Variants in WDR81 observed in about 807,000 individuals in gnomAD.
The protein encoded by WDR81 is WD repeat-containing protein 81.
Under a neutral mutation model 140.8 loss-of-function variants are expected in WDR81, and 92 were observed. The observed-to-expected ratio is 0.65, with a 90% confidence interval of 0.55 to 0.78. The LOEUF (loss-of-function observed/expected upper bound fraction) is 0.78, where lower values mean the gene tolerates loss of function less well. WDR81 is among the 30% of genes least tolerant of loss of function. The pLI is 0.00. For synonymous variants in WDR81, 1,183 were observed against 1,156.4 expected (o/e 1.02, Z -0.47); for missense variants, 2,502 against 2,636.4 (o/e 0.95, Z 1.12).
chr17:1,725,829 A>G lies in WDR81; in HGVS notation c.870A>G (p.Ala290=), dbSNP rs1405760988. Residue 290 remains alanine (A), a synonymous_variant, in exon 1 of 10, where the codon GCA becomes GCG. Transcript: ENST00000409644. The stretch of plus-strand genomic sequence containing the variant: ...GGGCCCTGTCTTTGTATCACATCGC[A>G]GTGGATGAGAAGCTTTGCAGCGAGC... ...ACGALSLYHI[A]VDEKLCSELR... is the part of the protein sequence containing the mutation. The G allele has an allele frequency of 1.3e-6, 2 of 1,550,588 alleles. No individual in the cohort carries two copies. The highest frequency in any genetic ancestry group is 1.7e-6 in the Non-Finnish European group (2 of 1,146,946).
At chr17:1,729,127 C>T (rs368368384) in intron 1 of WDR81, among the ~76,000 whole-genome samples, 1 of 152,144 alleles carries the variant, frequency 6.6e-6, no homozygotes, top group South Asian at 2.1e-4. Context: ...CAGTCTTAAG[C>T]AAGTGTATTA....
upstream of WDR81, among the ~76,000 whole-genome samples, chr17:1,723,500 C>A (rs866873639): frequency 3.4e-4 from 25 of 73,216 alleles, no homozygotes; most frequent in Non-Finnish European, 6.1e-4. Context: ...TTTATTTATT[C>A]TTTTTGACGG....
rs71375531 is a variant in WDR81 at position 1,731,926 on chromosome 17, C to CAAA, written c.4158-387_4158-385dup. Among the ~76,000 whole-genome samples, 181 of 129,764 alleles carry CAAA rather than the reference C, an allele frequency of 1.4e-3. 2 individuals are homozygous for CAAA. Among genetic ancestry groups the CAAA allele is most frequent in the African/African-American group, 4.4e-3 (153 of 34,972 alleles). The allele number at this position is 129,764 out of a possible 152,430, so 85.1% of individuals were successfully genotyped here. A position where few individuals can be genotyped will look rare whatever the true frequency, so the allele number is the denominator to read the frequency against. On this transcript the variant is annotated intron_variant, in intron 4 of 9. Coordinates refer to ENST00000409644, the MANE Select transcript of WDR81 (RefSeq NM_001163809.2). ...TAGGCGACAGAGCAAGACTCTGTCT[C>CAAA]AAAAAAAAAAAAAAGTATATATATA...
At chr17:1,724,390 T>G, upstream of WDR81, 1 of 800,442 alleles carries the variant, frequency 1.2e-6, no homozygotes, top group Non-Finnish European at 1.5e-6. Flanking sequence ...GAAGTCCCAG[T>G]TCTGCCCCTG....
chr17:1,732,295 C>A (rs370237696), intron 4 of WDR81, 30 bp from the exon 5 acceptor site: 2 of 1,602,958 alleles, frequency 1.2e-6, no homozygotes, highest in African/African-American at 2.7e-5. Flanking sequence ...TGCAGAACGG[C>A]GGGCTGGAGC....
chr17:1,716,939 G>A, intron 1 of WDR81: 1 of 501,380 alleles, frequency 2.0e-6, no homozygotes. Flanking sequence ...AACCACAGGA[G>A]GCTTTTTTTC....
At chr17:1,736,247 T>C (rs1904859737) in intron 9 of WDR81, 29 bp downstream of exon 9, 11 of 1,584,444 alleles carry the variant, frequency 6.9e-6, no homozygotes, top group Non-Finnish European at 9.4e-6. Flanking sequence ...CTCCCCTTGC[T>C]GCCCAACCCC....
At chr17:1,718,337 C>G (rs1018079592) in intron 1 of WDR81, among the ~76,000 whole-genome samples, 5 of 152,154 alleles carry the variant, frequency 3.3e-5, no homozygotes, top group Admixed American at 1.3e-4. Context: ...AGGCTGGTCT[C>G]GAACTCCTCA....
chr17:1,731,610 A>AAT (rs1904355351), intron 4 of WDR81, among the ~76,000 whole-genome samples: 1 of 151,856 alleles, frequency 6.6e-6, no homozygotes, highest in South Asian at 2.1e-4. Flanking sequence ...CCTCTCTAAA[A>AAT]ATATATATAA....
At chr17:1,716,686 A>G in intron 1 of WDR81, 1 of 1,539,346 alleles carries the variant, frequency 6.5e-7, no homozygotes, top group South Asian at 1.2e-5. Context: ...GAAGTCCTTA[A>G]AGGGCGACAG....
At chr17:1,728,915 T>C (rs1292964541) in intron 1 of WDR81, among the ~76,000 whole-genome samples, 1 of 151,848 alleles carries the variant, frequency 6.6e-6, no homozygotes, top group Non-Finnish European at 1.5e-5. Context: ...ATCGCACCAC[T>C]GCACTCCAGC....
At chr17:1,722,529 A>G (rs890741638), upstream of WDR81, among the ~76,000 whole-genome samples, 1 of 151,518 alleles carries the variant, frequency 6.6e-6, no homozygotes, top group Non-Finnish European at 1.5e-5. Context: ...GTATTTTAGT[A>G]GAGATGGGGT....
intron 1 of WDR81, 98 bp from the exon 2 acceptor site, chr17:1,730,282 G>A: frequency 2.0e-6 from 2 of 986,644 alleles, no homozygotes; most frequent in Non-Finnish European, 2.9e-6. Context: ...TGGCAGAGCT[G>A]CAGCCGCAGG....
chr17:1,734,178 G>A lies in WDR81; in HGVS notation c.5141G>A (p.Ser1714Asn). Reference protein sequence around the residue: ...GQLEAPQHVVSCDGAVHVWDP... With the variant: ...GQLEAPQHVVNCDGAVHVWDP... The stretch of plus-strand genomic sequence containing the variant: ...CTTGAGGCCCCGCAGCACGTGGTGA[G>A]CTGTGACGGGGCTGTGCACGTCTGG... The change falls in exon 7 of 10, where the codon AGC becomes AAC. Residue 1714 changes from serine (S) to asparagine (N), a missense_variant. Around this residue, in one of 3 missense-constraint regions of WDR81, gnomAD observed 1,737 missense variants for 1,843.0 expected, o/e 0.94. Coordinates refer to ENST00000409644, the MANE Select transcript of WDR81 (RefSeq NM_001163809.2). 1.3e-6 allele frequency: 2 copies of A among 1,596,628 alleles called. No individual in the cohort carries two copies.
At position 1,736,121 on chromosome 17, in the gene WDR81, C is replaced by T; in HGVS notation, c.5408C>T (p.Ala1803Val). 1 of 1,602,638 alleles carries T rather than the reference C, an allele frequency of 6.2e-7. No individual in the cohort carries two copies. Residue 1803 changes from alanine (A) to valine (V), a missense_variant, in exon 9 of 10, where the codon GCC (alanine) becomes GTC (valine). Ala to Val is a moderately conservative substitution (Grantham distance 64, BLOSUM62 0). Transcript: ENST00000409644. ...AGCCCCAGTGGCCGTAGTGTCGTGG[C>T]CGGCTTCTCCTCAGGCTTCATGGTG... The part of the protein sequence containing the change: ...AISPSGRSVV[A>V]GFSSGFMVLL...
rs758728370 is a variant in WDR81, at chr17:1,726,931, G to A, written c.1972G>A (p.Asp658Asn). Residue 658 changes from aspartate to asparagine, a missense_variant, in exon 1 of 10, where the codon GAC becomes AAC. Asp to Asn is a conservative substitution (Grantham distance 23). This residue lies in a region of WDR81 where 1,737 missense variants were observed against 1,843.0 expected (regional missense o/e 0.94). Coordinates refer to ENST00000409644, the MANE Select transcript of WDR81 (RefSeq NM_001163809.2). The part of the protein sequence containing the change: ...TRDRPVAGED[D>N]LEQATEALDS... ...AGACAGGCCGGTGGCAGGAGAAGAC[G>A]ACTTGGAACAGGCCACAGAAGCTCT... The A allele has an allele frequency of 1.2e-5, 19 of 1,550,314 alleles. No individual in the cohort carries two copies. In the Middle Eastern group the frequency reaches 5.0e-4, roughly 41 times the overall value.
At position 1,728,034 on chromosome 17, in the gene WDR81, G is replaced by T; in HGVS notation, c.3075G>T (p.Leu1025=). The T allele has an allele frequency of 6.4e-7, 1 of 1,554,804 alleles. No individual in the cohort carries two copies. The highest frequency in any genetic ancestry group is 8.7e-7 in the Non-Finnish European group (1 of 1,150,026). The change falls in exon 1 of 10, where the codon CTG becomes CTT. Residue 1025 remains leucine, a synonymous_variant. Transcript: ENST00000409644. ...CCTCCCAGGAGGAGAGCAAGGACCT[G>T]GCAGGGGCTGCTGAGGAGGAGGAGA... The part of the protein sequence containing the change: ...AEASQEESKD[L]AGAAEEEESG...
At chr17:1,734,983 G>T (rs1042774701) in intron 7 of WDR81, among the ~76,000 whole-genome samples, 2 of 152,042 alleles carry the variant, frequency 1.3e-5, no homozygotes, top group Admixed American at 1.3e-4. Flanking sequence ...TTTGGGGATG[G>T]GAGCCTGGCC....
intron 1 of WDR81, among the ~76,000 whole-genome samples, chr17:1,719,275 C>T (rs966550811): frequency 3.3e-5 from 5 of 152,092 alleles, no homozygotes; most frequent in African/African-American, 7.2e-5. Flanking sequence ...TGCCCGGGCG[C>T]GGTGGCTCAT....
Sources: gnomAD v4.1 joint callset for allele counts (sites outside exome capture counted in the v4.1 genomes callset) on GRCh38, gnomAD v4.1.1 for gene constraint, gnomAD v4.1.1 regional missense constraint, MANE v1.5 for transcripts, NCBI Gene and HGNC (gene_info 2026-07-23, HGNC 2026-07-21) for gene names.